The following SIRPA variants were observed in gnomAD, a reference collection of about 807,000 sequenced individuals.
The protein encoded by SIRPA is signal regulatory protein alpha.
In SIRPA, 9 loss-of-function variants were observed where a neutral mutation model predicts 50.3. That is an observed-to-expected ratio of 0.18 (90% CI 0.11 to 0.31). The LOEUF (loss-of-function observed/expected upper bound fraction) is 0.31, where lower values mean the gene tolerates loss of function less well. Among genes scored for constraint, SIRPA ranks in the 10% least tolerant of loss-of-function variants. The pLI is 1.00. For missense variants in SIRPA, 474 were observed against 661.6 expected (o/e 0.72, Z 3.11); for synonymous variants, 265 against 284.1 (o/e 0.93, Z 0.68).
upstream of SIRPA, chr20:1,895,238 C>T (rs1421695770): frequency 9.3e-6 from 4 of 428,642 alleles, no homozygotes; most frequent in Non-Finnish European, 1.6e-5. Context: ...CAGTCTCCGT[C>T]TCTCCATTTC....
Position 1,924,828 on chromosome 20 carries a change from G to A in SIRPA, c.1152G>A (p.Val384=), listed in dbSNP as rs62641728. The part of the protein sequence containing the change: ...IVVGVVCTLL[V]ALLMAALYLV... The stretch of plus-strand genomic sequence containing the variant: ...TGGGTGTGGTGTGCACCTTGCTGGT[G>A]GCCCTACTGATGGCGGCCCTCTACC... Residue 384 remains valine, a synonymous_variant, in exon 5 of 8, where the codon GTG becomes GTA. Coordinates refer to ENST00000358771, the MANE Select transcript of SIRPA (RefSeq NM_001040023.2). The surrounding 1 kb of genome is among the most constrained non-coding windows in gnomAD (Gnocchi z 4.5). 21 of 1,614,078 alleles carry A rather than the reference G, an allele frequency of 1.3e-5. No homozygotes were observed. The highest frequency in any genetic ancestry group is 1.2e-4 in the African/African-American group (9 of 74,918).
rs1306359189 is a variant in SIRPA, at chr20:1,927,475, C to A, written c.1202-400C>A. Among the ~76,000 whole-genome samples, 9 of 152,170 alleles carry A rather than the reference C, an allele frequency of 5.9e-5. No individual in the cohort carries two copies. The highest frequency in any genetic ancestry group is 8.8e-5 in the Non-Finnish European group (6 of 68,032). On this transcript the variant is annotated intron_variant, in intron 5 of 7. Transcript: ENST00000358771. The surrounding 1 kb of genome is among the most constrained non-coding windows in gnomAD (Gnocchi z 6.5). The stretch of plus-strand genomic sequence containing the variant: ...AGCAGACCCGGGGTTCACACATGAT[C>A]CCCGATTTGCAGCCCTGCTAGAATC...
intron 1 of SIRPA, among the ~76,000 whole-genome samples, chr20:1,906,127 C>T (rs1251226642): frequency 6.6e-6 from 1 of 152,130 alleles, no homozygotes; most frequent in Non-Finnish European, 1.5e-5. Context: ...CAGAACAACC[C>T]TAGTATTGTT....
At chr20:1,912,743 C>T (rs552016644) in intron 1 of SIRPA, among the ~76,000 whole-genome samples, 2 of 152,216 alleles carry the variant, frequency 1.3e-5, no homozygotes, top group Non-Finnish European at 2.9e-5. Flanking sequence ...GAATGGGGGT[C>T]CAGGGAAGGT....
intron 2 of SIRPA, among the ~76,000 whole-genome samples, chr20:1,919,478 C>A (rs1420219271): frequency 2.6e-5 from 4 of 152,212 alleles, no homozygotes; most frequent in Non-Finnish European, 5.9e-5. Context: ...GCCCCAGTGG[C>A]CTGGCCAGAC....
At position 1,934,798 on chromosome 20, in the gene SIRPA, G is replaced by C. The variant is rs373369770; in HGVS notation, c.1266+44G>C. ...TGCCCTTCCTGGGAAACTCCGTGGC[G>C]TGGTTGCTTCACATCAACCGGAATT... On this transcript the variant is annotated intron_variant, in intron 7 of 7. Transcript: ENST00000358771. This position sits in a 1 kb window ranked among gnomAD's most constrained non-coding sequence, Gnocchi z 4.6. 5.0e-6 allele frequency: 8 copies of C among 1,610,086 alleles called. No homozygotes were observed. The Admixed American group carries it at 1.3e-4, about 27-fold the overall frequency.
In SIRPA at chr20:1,940,037, C is replaced by A. The variant is rs188510061; in HGVS notation, c.*2469C>A. On this transcript the variant is annotated 3_prime_UTR_variant, in exon 8 of 8. Transcript: ENST00000358771. ...CAACCTACAGCATTTGAGCCCCTCA[C>A]GTAGGTTTTAGAGACGTACAATTTT... 6.6e-5 allele frequency: 10 copies of A among 152,326 alleles called. No individual in the cohort carries two copies. The highest frequency in any genetic ancestry group is 2.4e-4 in the African/African-American group (10 of 41,560). 9.4% of individuals were successfully genotyped at this position (152,326 alleles called of 1,614,324 possible).
At position 1,933,189 on chromosome 20, in the gene SIRPA, A is replaced by G. The variant is rs1306603093; in HGVS notation, c.1227-1526A>G. ...GGAAGCATGGCAGGCAGGCAGGCAG[A>G]CAGCAATAGAAACCAGATATGCAGA... On this transcript the variant is annotated intron_variant, in intron 6 of 7. Transcript: ENST00000358771. This position sits in a 1 kb window ranked among gnomAD's most constrained non-coding sequence, Gnocchi z 4.4. 3.3e-5 allele frequency among the ~76,000 whole-genome samples: 5 copies of G among 152,234 alleles called. No individual in the cohort carries two copies. Among genetic ancestry groups the G allele is most frequent in the African/African-American group, 1.2e-4 (5 of 41,456 alleles).
intron 1 of SIRPA, among the ~76,000 whole-genome samples, chr20:1,910,072 C>T (rs1984796926): frequency 6.6e-6 from 1 of 152,124 alleles, no homozygotes; most frequent in Non-Finnish European, 1.5e-5. Flanking sequence ...GCAGGAGCCT[C>T]TTGCCCAGGG....
chr20:1,908,466 A>ACACT (rs986890053), intron 1 of SIRPA, among the ~76,000 whole-genome samples: 14 of 151,856 alleles, frequency 9.2e-5, no homozygotes, highest in Non-Finnish European at 1.6e-4. Context: ...CATGATTCAG[A>ACACT]CACTCTCCTG....
At position 1,928,727 on chromosome 20, in the gene SIRPA, A is replaced by G. The variant is rs1469574464; in HGVS notation, c.1226+828A>G. ...CTAGTGAGCTATGTTGGACAGGAGCATGCTGGGCCAGAGAGGAGGCCTGTG... is the reference window on the plus strand; with the variant it reads ...CTAGTGAGCTATGTTGGACAGGAGCGTGCTGGGCCAGAGAGGAGGCCTGTG... On this transcript the variant is annotated intron_variant, in intron 6 of 7. Coordinates refer to ENST00000358771, the MANE Select transcript of SIRPA (RefSeq NM_001040023.2). The surrounding 1 kb of genome is among the most constrained non-coding windows in gnomAD (Gnocchi z 4.9). 6.6e-6 allele frequency among the ~76,000 whole-genome samples: 1 copy of G among 152,120 alleles called. No individual in the cohort carries two copies. The highest frequency in any genetic ancestry group is 1.9e-4 in the East Asian group (1 of 5,180).
chr20:1,913,823 C>G lies in SIRPA; in HGVS notation c.80-1276C>G, dbSNP rs540483976. On this transcript the variant is annotated intron_variant, in intron 1 of 7. Transcript: ENST00000358771. Reference sequence around the variant, plus strand: ...GAACTGTTCTCACTTGGTCCCTATCCATCTTCAACGCATCTCATGACAAGC... The same window carrying G: ...GAACTGTTCTCACTTGGTCCCTATCGATCTTCAACGCATCTCATGACAAGC... 6.6e-5 allele frequency among the ~76,000 whole-genome samples: 10 copies of G among 152,298 alleles called. No homozygotes were observed. In the South Asian group the frequency reaches 1.9e-3, roughly 28 times the overall value.
chr20:1,926,761 A>G (rs911809286), intron 5 of SIRPA, among the ~76,000 whole-genome samples: 2 of 152,204 alleles, frequency 1.3e-5, no homozygotes, highest in Non-Finnish European at 2.9e-5. Context: ...TGGTGGGGCC[A>G]GAATTTAAAC....
chr20:1,896,229 C>T (rs773480039), intron 1 of SIRPA, among the ~76,000 whole-genome samples: 3 of 152,212 alleles, frequency 2.0e-5, no homozygotes, highest in East Asian at 1.9e-4. Context: ...CTGCCTTCCC[C>T]GAGCTTCCAG....
In SIRPA at chr20:1,915,994, C is replaced by T. The variant is rs117946925; in HGVS notation, c.436+539C>T. On this transcript the variant is annotated intron_variant, in intron 2 of 7. Coordinates refer to ENST00000358771, the MANE Select transcript of SIRPA (RefSeq NM_001040023.2). ...ACCAACTGAGAAGATTCCTAAAAGG[C>T]ACAGATTTACTGTTTAATCTGATGG... Among the ~76,000 whole-genome samples, 90 of 152,336 alleles carry T rather than the reference C, an allele frequency of 5.9e-4. 1 individual carries two copies. In the East Asian group the frequency reaches 0.016, roughly 27 times the overall value.
intron 5 of SIRPA, among the ~76,000 whole-genome samples, chr20:1,926,991 C>G (rs1270250275): frequency 6.6e-6 from 1 of 152,200 alleles, no homozygotes; most frequent in Non-Finnish European, 1.5e-5. Context: ...TCACTGGATT[C>G]CCAGAGATGA....
chr20:1,934,802 T>C lies in SIRPA; in HGVS notation c.1266+48T>C, dbSNP rs766644353. The C allele has an allele frequency of 6.2e-7, 1 of 1,604,056 alleles. No homozygotes were observed. Among genetic ancestry groups the C allele is most frequent in the South Asian group, 1.1e-5 (1 of 90,668 alleles). On this transcript the variant is annotated intron_variant, in intron 7 of 7. Transcript: ENST00000358771. This position sits in a 1 kb window ranked among gnomAD's most constrained non-coding sequence, Gnocchi z 4.6. Reference sequence around the variant, plus strand: ...CTTCCTGGGAAACTCCGTGGCGTGGTTGCTTCACATCAACCGGAATTGCAG... The same window carrying C: ...CTTCCTGGGAAACTCCGTGGCGTGGCTGCTTCACATCAACCGGAATTGCAG...
At position 1,924,977 on chromosome 20, in the gene SIRPA, C is replaced by A; in HGVS notation, c.1201+100C>A. On this transcript the variant is annotated intron_variant, in intron 5 of 7. Transcript: ENST00000358771. The surrounding 1 kb of genome is among the most constrained non-coding windows in gnomAD (Gnocchi z 4.5). ...TTGGGTTAAGGACATCAGCTTCTGC[C>A]AGTAGCAAGAAGTCCAGAGGTAGTG... 1.1e-6 allele frequency: 1 copy of A among 913,288 alleles called. No individual in the cohort carries two copies. Among genetic ancestry groups the A allele is most frequent in the South Asian group, 1.4e-5 (1 of 69,582 alleles). The allele number at this position is 913,288 out of a possible 1,614,324, so 56.6% of individuals were successfully genotyped here.
Position 1,927,770 on chromosome 20 carries a change from T to C in SIRPA, c.1202-105T>C. On this transcript the variant is annotated intron_variant, in intron 5 of 7. Transcript: ENST00000358771. This position sits in a 1 kb window ranked among gnomAD's most constrained non-coding sequence, Gnocchi z 6.5. ...TGGTTCCAAGGATGTGATTACAGCA[T>C]TTCCTCTCCATGTCCCTGGAGGCAA... 1 of 986,578 alleles carries C rather than the reference T, an allele frequency of 1.0e-6. No individual in the cohort carries two copies. Among genetic ancestry groups the C allele is most frequent in the Non-Finnish European group, 1.6e-6 (1 of 609,254 alleles). 61.1% of individuals were successfully genotyped at this position (986,578 alleles called of 1,614,324 possible).
Sources: allele counts gnomAD v4.1 joint callset (sites outside exome capture counted in the v4.1 genomes callset), GRCh38; gene constraint gnomAD v4.1.1; non-coding constraint Gnocchi (gnomAD v3.1); transcripts MANE v1.5; gene names NCBI Gene and HGNC (gene_info 2026-07-23, HGNC 2026-07-21).